The following APPBP2 variants were observed in gnomAD, a reference collection of about 807,000 sequenced individuals.
The protein encoded by APPBP2 is amyloid protein-binding protein 2.
APPBP2 carries 15 observed loss-of-function variants against 76.0 expected under a neutral mutation model. The observed-to-expected ratio is 0.20, with a 90% CI of 0.13 to 0.30. The LOEUF is 0.30. APPBP2 is among the 10% of genes least tolerant of loss of function. The pLI is 1.00. For synonymous variants in APPBP2, 222 were observed against 242.2 expected (o/e 0.92, Z 0.77); for missense variants, 401 against 687.2 (o/e 0.58, Z 4.66).
rs1312422628 is a variant in APPBP2, at chr17:60,446,944, T to G, written c.*637A>C. 6.6e-6 allele frequency: 1 copy of G among 152,138 alleles called. No individual in the cohort carries two copies. The highest frequency in any genetic ancestry group is 1.5e-5 in the Non-Finnish European group (1 of 67,962). 9.4% of individuals were successfully genotyped at this position (152,138 alleles called of 1,614,324 possible). A position where few individuals can be genotyped will look rare whatever the true frequency, so the allele number is the denominator to read the frequency against. ...CCAAAAAAAAAAAAGTCAGAAGTGC[T>G]GGTCTATCAGATTTTCTATTACATT... is the stretch of plus-strand genomic sequence containing the variant. On this transcript the variant is annotated 3_prime_UTR_variant, in exon 13 of 13. Transcript: ENST00000083182.
Position 60,445,243 on chromosome 17 carries a change from A to C in APPBP2, c.*2338T>G, listed in dbSNP as rs907545573. 6.6e-6 allele frequency: 1 copy of C among 152,650 alleles called. No individual in the cohort carries two copies. Among genetic ancestry groups the C allele is most frequent in the Non-Finnish European group, 1.5e-5 (1 of 68,042 alleles). The allele number at this position is 152,650 out of a possible 1,614,324, so 9.5% of individuals were successfully genotyped here. On this transcript the variant is annotated 3_prime_UTR_variant, in exon 13 of 13. Coordinates refer to ENST00000083182, the MANE Select transcript of APPBP2 (RefSeq NM_006380.5). ...GTGGTGATAAGGAGAAACTGCCAAT[A>C]ATGATGTTTCAAAAAAACACAACTG...
intron 1 of APPBP2, among the ~76,000 whole-genome samples, chr17:60,501,791 A>T (rs989949338): frequency 6.6e-6 from 1 of 152,216 alleles, no homozygotes; most frequent in African/African-American, 2.4e-5. Context: ...GGGCCAGTTT[A>T]CTTGGTGCAT....
intron 2 of APPBP2, among the ~76,000 whole-genome samples, chr17:60,495,446 ATTTATTTATTTATTTAT>A (rs2090767508): frequency 6.2e-5 from 3 of 48,768 alleles, no homozygotes; most frequent in East Asian, 1.0e-3. Flanking sequence ...TTTATTATTT[ATTTATTTATTTATTTAT>A]TTATTTATTT....
At chr17:60,502,636 G>C (rs1567937306) in intron 1 of APPBP2, among the ~76,000 whole-genome samples, 1 of 146,494 alleles carries the variant, frequency 6.8e-6, no homozygotes, top group Non-Finnish European at 1.5e-5. Flanking sequence ...GGGTGGATCA[G>C]CTGAGGTCAA....
intron 9 of APPBP2, among the ~76,000 whole-genome samples, chr17:60,456,831 A>G (rs1296561333): frequency 6.6e-6 from 1 of 152,010 alleles, no homozygotes; most frequent in African/African-American, 2.4e-5. Context: ...ACCACATAAA[A>G]GGCCCTAAAA....
At chr17:60,494,983 TG>T (rs1383317720) in intron 2 of APPBP2, among the ~76,000 whole-genome samples, 11 of 128,050 alleles carry the variant, frequency 8.6e-5, no homozygotes, top group Non-Finnish European at 1.3e-4. Flanking sequence ...TGTTTTGTTT[TG>T]TTTTTTTTTT....
At position 60,474,177 on chromosome 17, in the gene APPBP2, A is replaced by AT. The variant is rs201442798; in HGVS notation, c.503+4970dup. On this transcript the variant is annotated intron_variant, in intron 4 of 12. Transcript: ENST00000083182. ...ATCTGTTAAATTTCATTTTTTTTTT[A>AT]TTTTTTTTTTTTGAGACAGAGTTTT... Among the ~76,000 whole-genome samples the AT allele has an allele frequency of 1.9e-3, 270 of 144,184 alleles. 3 individuals carry two copies. The highest frequency in any genetic ancestry group is 6.1e-3 in the Admixed American group (88 of 14,310). 94.6% of individuals were successfully genotyped at this position (144,184 alleles called of 152,430 possible).
intron 9 of APPBP2, among the ~76,000 whole-genome samples, chr17:60,459,112 C>G (rs1301844644): frequency 6.6e-6 from 1 of 152,000 alleles, no homozygotes; most frequent in Non-Finnish European, 1.5e-5. Flanking sequence ...GATTCTAATC[C>G]TGTTCATTAT....
chr17:60,518,117 G>C (rs962692809), intron 1 of APPBP2, among the ~76,000 whole-genome samples: 5 of 146,184 alleles, frequency 3.4e-5, no homozygotes, highest in African/African-American at 1.3e-4. Context: ...CAGTGCAGTA[G>C]CATGATCTTG....
In APPBP2 at chr17:60,447,802, G is replaced by A. The variant is rs534232301; in HGVS notation, c.1537C>T (p.Leu513=). 5.0e-6 allele frequency: 8 copies of A among 1,612,352 alleles called. No individual in the cohort carries two copies. In the South Asian group the frequency reaches 8.8e-5, roughly 18 times the overall value. The change falls in exon 13 of 13, where the codon CTA becomes TTA. Residue 513 remains leucine, a synonymous_variant. Transcript: ENST00000083182. ...KKLFGEGYSG[L]EYDYRGLIKL... ...ATGAGACCTCGATAATCATATTCTA[G>A]TCCACTGTAGCCCTCACCAAAAAGT... is the stretch of plus-strand genomic sequence containing the variant.
intron 12 of APPBP2, 83 bp from the exon 13 acceptor site, chr17:60,447,917 A>G: frequency 1.5e-6 from 2 of 1,314,506 alleles, no homozygotes; most frequent in Non-Finnish European, 2.1e-6. Context: ...ACACAAGTTC[A>G]ATTCTTTAAA....
intron 3 of APPBP2, among the ~76,000 whole-genome samples, chr17:60,482,618 G>A (rs1002285334): frequency 1.3e-5 from 2 of 152,108 alleles, no homozygotes; most frequent in African/African-American, 2.4e-5. Context: ...TGGTGTGTGA[G>A]GTTCCCTGCC....
intron 3 of APPBP2, among the ~76,000 whole-genome samples, chr17:60,488,490 G>A (rs2090699587): frequency 6.6e-6 from 1 of 152,190 alleles, no homozygotes; most frequent in Admixed American, 6.5e-5. Context: ...AGTAGATGAT[G>A]TTTGCCTGGT....
intron 1 of APPBP2, among the ~76,000 whole-genome samples, chr17:60,502,490 A>AATCT (rs1555635056): frequency 6.7e-6 from 1 of 148,398 alleles, no homozygotes; most frequent in Admixed American, 6.6e-5. Flanking sequence ...CTAAGACAAC[A>AATCT]ATCTTAGCTT....
intron 3 of APPBP2, among the ~76,000 whole-genome samples, chr17:60,491,289 G>A (rs1455996475): frequency 1.3e-5 from 2 of 152,176 alleles, no homozygotes; most frequent in Non-Finnish European, 2.9e-5. Context: ...TTTTGTCCCT[G>A]CCTCAGAGAT....
intron 1 of APPBP2, among the ~76,000 whole-genome samples, chr17:60,518,587 C>T (rs1218513563): frequency 6.6e-6 from 1 of 152,050 alleles, no homozygotes; most frequent in Non-Finnish European, 1.5e-5. Context: ...ATGATAACCA[C>T]TCACTGCAGC....
At chr17:60,481,738 C>T (rs1038038671) in intron 3 of APPBP2, among the ~76,000 whole-genome samples, 2 of 152,176 alleles carry the variant, frequency 1.3e-5, no homozygotes, top group African/African-American at 4.8e-5. Flanking sequence ...CAAATGAGAT[C>T]CTTGTTTTCA....
chr17:60,500,254 A>C (rs967024396), intron 2 of APPBP2, 145 bp downstream of exon 2: 2 of 559,204 alleles, frequency 3.6e-6, no homozygotes, highest in African/African-American at 2.0e-5. Context: ...TGATCTGCCC[A>C]CCTCAGCCTC....
chr17:60,514,137 T>C (rs1013739074), intron 1 of APPBP2, among the ~76,000 whole-genome samples: 1 of 151,614 alleles, frequency 6.6e-6, no homozygotes, highest in Non-Finnish European at 1.5e-5. Flanking sequence ...CAAAATCTCA[T>C]CTCTACAAAA....
Sources: gnomAD v4.1 joint callset for allele counts (sites outside exome capture counted in the v4.1 genomes callset) on GRCh38, gnomAD v4.1.1 for gene constraint, MANE v1.5 for transcripts, NCBI Gene and HGNC (gene_info 2026-07-23, HGNC 2026-07-21) for gene names.